ROBO1: variants seen among roughly 807,000 people sequenced by gnomAD.
The protein encoded by ROBO1 is roundabout homolog 1.
Under a neutral mutation model 195.9 loss-of-function variants are expected in ROBO1, and 149 were observed. The ratio of observed to expected loss-of-function variants is 0.76; its 90% CI spans 0.67 to 0.87. The LOEUF (loss-of-function observed/expected upper bound fraction) is 0.87. Among genes scored for constraint, ROBO1 ranks in the 40% least tolerant of loss-of-function variants. The pLI, the probability that ROBO1 is intolerant of heterozygous loss-of-function variation, is 0.00. For missense variants in ROBO1, 1,933 were observed against 2,068.3 expected, an observed-to-expected ratio of 0.93 and a Z score of 1.27; for synonymous variants, 816 against 733.2, an observed-to-expected ratio of 1.11 and a Z score of -1.82.
intron 1 of ROBO1, among the ~76,000 whole-genome samples, chr3:79,748,682 T>A (rs1373781699): frequency 6.6e-6 from 1 of 152,096 alleles, no homozygotes; most frequent in Non-Finnish European, 1.5e-5. Flanking sequence ...GGATGGGTCT[T>A]TTTTGTGCTA....
At position 79,057,899 on chromosome 3, in the gene ROBO1, C is replaced by T. The variant is rs186182358; in HGVS notation, c.172+67557G>A. Among the ~76,000 whole-genome samples the T allele has an allele frequency of 2.4e-3, 360 of 152,132 alleles. 8 individuals carry two copies. Among genetic ancestry groups the T allele is most frequent in the Admixed American group, 0.023 (343 of 15,240 alleles). On this transcript the variant is annotated intron_variant, in intron 3 of 30. Coordinates refer to ENST00000464233, the MANE Select transcript of ROBO1 (RefSeq NM_002941.4). Reference sequence around the variant, plus strand: ...CCTGCTAAACCAGGAGAAGAAGGCCCTGCATTTAATGTTACTATGGGTTAC... The same window carrying T: ...CCTGCTAAACCAGGAGAAGAAGGCCTTGCATTTAATGTTACTATGGGTTAC...
intron 1 of ROBO1, among the ~76,000 whole-genome samples, chr3:79,679,255 T>G (rs1946873037): frequency 6.6e-6 from 1 of 152,074 alleles, no homozygotes; most frequent in African/African-American, 2.4e-5. Flanking sequence ...TCTTGCATTT[T>G]GAAACAACGT....
intron 3 of ROBO1, among the ~76,000 whole-genome samples, chr3:79,011,288 T>C (rs543990463): frequency 1.1e-4 from 16 of 152,326 alleles, no homozygotes; most frequent in African/African-American, 3.8e-4. Context: ...AGCGGACATG[T>C]TCTTGTATAG....
intron 2 of ROBO1, among the ~76,000 whole-genome samples, chr3:79,437,621 G>A (rs1407811669): frequency 6.6e-6 from 1 of 151,940 alleles, no homozygotes; most frequent in South Asian, 2.1e-4. Flanking sequence ...TAACTCTCAC[G>A]TAGACAATAC....
chr3:78,963,156 C>A lies in ROBO1; in HGVS notation c.173-24229G>T, dbSNP rs1445356239. Among the ~76,000 whole-genome samples, 5 of 151,352 alleles carry A rather than the reference C, an allele frequency of 3.3e-5. No homozygotes were observed. In the East Asian group the frequency reaches 9.7e-4, roughly 29 times the overall value. On this transcript the variant is annotated intron_variant, in intron 3 of 30. Coordinates refer to ENST00000464233, the MANE Select transcript of ROBO1 (RefSeq NM_002941.4). ...AGGAGGGTGGGTATGAAGAACTAAC[C>A]CTATCCTTCAAAACCTGATACAAAT...
chr3:79,014,677 T>G (rs961420503), intron 3 of ROBO1, among the ~76,000 whole-genome samples: 1 of 152,206 alleles, frequency 6.6e-6, no homozygotes, highest in African/African-American at 2.4e-5. Flanking sequence ...GTGCCTTTCT[T>G]TCCTGTAGTC....
intron 1 of ROBO1, among the ~76,000 whole-genome samples, chr3:79,662,826 T>TA (rs1946369216): frequency 6.6e-6 from 1 of 151,872 alleles, no homozygotes; most frequent in Admixed American, 6.6e-5. Context: ...AAGAAACGAG[T>TA]CTTTATAAGA....
At chr3:79,259,874 GT>G (rs1398616891) in intron 2 of ROBO1, among the ~76,000 whole-genome samples, 3 of 152,110 alleles carry the variant, frequency 2.0e-5, no homozygotes, top group Admixed American at 1.3e-4. Context: ...AGAGAAAAGT[GT>G]TCAAAAGAAC....
chr3:79,534,839 C>T (rs1309221717), intron 2 of ROBO1, among the ~76,000 whole-genome samples: 3 of 152,136 alleles, frequency 2.0e-5, no homozygotes, highest in South Asian at 4.1e-4. Context: ...CTGACCTCCC[C>T]TTGAACCTCT....
At chr3:79,286,464 C>A (rs962062156) in intron 2 of ROBO1, among the ~76,000 whole-genome samples, 1 of 152,058 alleles carries the variant, frequency 6.6e-6, no homozygotes, top group Non-Finnish European at 1.5e-5. Context: ...GCCAATGTTC[C>A]CACTATATTA....
chr3:79,178,067 C>A (rs2108722572), intron 2 of ROBO1, among the ~76,000 whole-genome samples: 1 of 152,264 alleles, frequency 6.6e-6, no homozygotes, highest in Admixed American at 6.5e-5. Context: ...AAGTTATTAG[C>A]TTTTACCTCG....
chr3:78,996,977 C>T (rs2077382868), intron 3 of ROBO1, among the ~76,000 whole-genome samples: 1 of 152,104 alleles, frequency 6.6e-6, no homozygotes, highest in Admixed American at 6.6e-5. Flanking sequence ...CAGTGTTTCT[C>T]AACTTTTGTT....
intron 2 of ROBO1, among the ~76,000 whole-genome samples, chr3:79,492,427 GA>G (rs57495210): frequency 0.29 from 31,008 of 108,484 alleles, 3,395 homozygotes; most frequent in Middle Eastern, 0.37. Flanking sequence ...CTCTGTTTCA[GA>G]AAAAAAAAAA....
chr3:79,300,825 A>G (rs528506154), intron 2 of ROBO1, among the ~76,000 whole-genome samples: 5 of 152,212 alleles, frequency 3.3e-5, no homozygotes, highest in African/African-American at 1.2e-4. Context: ...GCACCAATCG[A>G]CACTCTGTAG....
intron 17 of ROBO1, 83 bp from the exon 18 acceptor site, chr3:78,657,352 CCAGA>C (rs1427235777): frequency 5.7e-6 from 8 of 1,414,554 alleles, no homozygotes; most frequent in Middle Eastern, 1.8e-4. Context: ...AGTTTTAGAC[CCAGA>C]CAGAGTACTA....
At chr3:78,791,544 G>A (rs9837982) in intron 4 of ROBO1, among the ~76,000 whole-genome samples, 42,760 of 152,018 alleles carry the variant, frequency 0.28, 7,441 homozygotes, top group South Asian at 0.45. Context: ...GACAGGCTTC[G>A]TCGATACCCT....
intron 8 of ROBO1, among the ~76,000 whole-genome samples, chr3:78,700,750 C>T (rs1347010917): frequency 7.3e-6 from 1 of 136,486 alleles, no homozygotes; most frequent in Non-Finnish European, 1.7e-5. Context: ...GCTGGTATCT[C>T]CAGATCTTTT....
At chr3:78,616,556 A>G (rs553587420) in intron 27 of ROBO1, among the ~76,000 whole-genome samples, 1 of 152,232 alleles carries the variant, frequency 6.6e-6, no homozygotes, top group East Asian at 1.9e-4. Flanking sequence ...TACACTGATA[A>G]AAAATAATGG....
chr3:79,396,054 C>T (rs2037142883), intron 2 of ROBO1, among the ~76,000 whole-genome samples: 1 of 152,038 alleles, frequency 6.6e-6, no homozygotes, highest in African/African-American at 2.4e-5. Flanking sequence ...AATATAAAAT[C>T]ATAATAATCT....
Sources: gnomAD v4.1 joint callset for allele counts (sites outside exome capture counted in the v4.1 genomes callset) on GRCh38, gnomAD v4.1.1 for gene constraint, MANE v1.5 for transcripts, NCBI Gene and HGNC (gene_info 2026-07-23, HGNC 2026-07-21) for gene names.